Variants in ATRNL1 observed in about 807,000 individuals in gnomAD.
ATRNL1 encodes the protein attractin like 1.
Under a neutral mutation model 182.7 loss-of-function variants are expected in ATRNL1, and 95 were observed. That is an observed-to-expected ratio of 0.52 (90% CI 0.44 to 0.62). The LOEUF (loss-of-function observed/expected upper bound fraction) is 0.62, where lower values mean the gene tolerates loss of function less well. Ranked by LOEUF, ATRNL1 falls within the 20% of genes least tolerant of loss-of-function variation. The pLI is 0.00. For synonymous variants in ATRNL1, 576 were observed against 568.3 expected (o/e 1.01, Z -0.19); for missense variants, 1,471 against 1,679.5 (o/e 0.88, Z 2.17).
chr10:115,720,993 A>C (rs571845240), intron 26 of ATRNL1, among the ~76,000 whole-genome samples: 36 of 152,338 alleles, frequency 2.4e-4, no homozygotes, highest in African/African-American at 7.2e-4. Context: ...AGACAGCAGT[A>C]AGTTAATGAT....
intron 1 of ATRNL1, among the ~76,000 whole-genome samples, chr10:115,116,762 CTG>C (rs1844504439): frequency 6.6e-6 from 1 of 151,986 alleles, no homozygotes; most frequent in African/African-American, 2.4e-5. Flanking sequence ...TTCCAGTGGA[CTG>C]GTATTGGCAA....
chr10:115,233,041 G>T (rs1397756237), intron 9 of ATRNL1, among the ~76,000 whole-genome samples: 2 of 151,956 alleles, frequency 1.3e-5, no homozygotes, highest in African/African-American at 4.8e-5. Context: ...GGCAGCTCCA[G>T]ACATTCCTGG....
intron 18 of ATRNL1, among the ~76,000 whole-genome samples, chr10:115,328,459 A>G (rs1475324846): frequency 2.0e-5 from 3 of 152,238 alleles, no homozygotes; most frequent in African/African-American, 7.2e-5. Flanking sequence ...TCTTCTAGCT[A>G]TTTGAAATGC....
At chr10:115,924,676 G>T (rs1555119539) in intron 28 of ATRNL1, among the ~76,000 whole-genome samples, 2 of 152,166 alleles carry the variant, frequency 1.3e-5, no homozygotes, top group African/African-American at 4.8e-5. Flanking sequence ...TTGAAGTCAG[G>T]TAGTCTGATG....
At chr10:115,309,845 T>C (rs782360458) in intron 17 of ATRNL1, among the ~76,000 whole-genome samples, 4 of 152,140 alleles carry the variant, frequency 2.6e-5, no homozygotes, top group Non-Finnish European at 4.4e-5. Context: ...CCTTTATTTC[T>C]TTCTCTTGCC....
chr10:115,781,303 C>A (rs1028256928), intron 27 of ATRNL1, among the ~76,000 whole-genome samples: 11 of 152,162 alleles, frequency 7.2e-5, no homozygotes, highest in East Asian at 1.9e-4. Context: ...GTCCTATATT[C>A]TAAAGCTAAA....
At chr10:115,703,230 C>T (rs1286155070) in intron 26 of ATRNL1, among the ~76,000 whole-genome samples, 2 of 151,970 alleles carry the variant, frequency 1.3e-5, no homozygotes, top group Non-Finnish European at 2.9e-5. Context: ...AAACTGGACC[C>T]CTACCTTTCA....
intron 25 of ATRNL1, among the ~76,000 whole-genome samples, chr10:115,535,938 C>T (rs188555394): frequency 1.7e-4 from 26 of 151,776 alleles, no homozygotes; most frequent in African/African-American, 5.1e-4. Context: ...TCGTGAACCA[C>T]GAATGCTGCT....
At chr10:115,638,376 A>G (rs1859027917) in intron 26 of ATRNL1, among the ~76,000 whole-genome samples, 1 of 150,738 alleles carries the variant, frequency 6.6e-6, no homozygotes, top group African/African-American at 2.5e-5. Context: ...CTCAAAATGT[A>G]TCCCCGTCAT....
At chr10:115,596,682 G>A (rs782188394) in intron 26 of ATRNL1, among the ~76,000 whole-genome samples, 1 of 152,152 alleles carries the variant, frequency 6.6e-6, no homozygotes, top group Non-Finnish European at 1.5e-5. Context: ...TTGGAAACCC[G>A]TGACAGTGAG....
At position 115,204,149 on chromosome 10, in the gene ATRNL1, A is replaced by C. The variant is rs567613893; in HGVS notation, c.1349-11548A>C. Among the ~76,000 whole-genome samples, 11 of 152,088 alleles carry C rather than the reference A, an allele frequency of 7.2e-5. No individual in the cohort carries two copies. The South Asian group carries it at 2.3e-3, about 32-fold the overall frequency. On this transcript the variant is annotated intron_variant, in intron 8 of 28. Coordinates refer to ENST00000355044, the MANE Select transcript of ATRNL1 (RefSeq NM_207303.4). ...TACTGATTTTTGTACGTTTATTCAT[A>C]TCCTGCAAGTTTACGGAATTTTTAA...
intron 28 of ATRNL1, among the ~76,000 whole-genome samples, chr10:115,867,730 A>ATTTTTTTTTTTTTT (rs59623583): frequency 1.4e-5 from 2 of 138,078 alleles, no homozygotes; most frequent in Non-Finnish European, 1.6e-5. Flanking sequence ...CACCCTGTGA[A>ATTTTTTTTTTTTTT]TTTTTTTTTT....
intron 19 of ATRNL1, among the ~76,000 whole-genome samples, chr10:115,387,087 A>G (rs1858403819): frequency 7.2e-6 from 1 of 138,162 alleles, no homozygotes; most frequent in African/African-American, 2.5e-5. Flanking sequence ...CTATGAAGCC[A>G]TAAAAAATGA....
chr10:115,753,603 C>A (rs1462984678), intron 27 of ATRNL1, among the ~76,000 whole-genome samples: 1 of 152,098 alleles, frequency 6.6e-6, no homozygotes. Context: ...GGTTCCAGGT[C>A]TTTGCTATTG....
intron 26 of ATRNL1, among the ~76,000 whole-genome samples, chr10:115,673,129 G>A (rs2532725): frequency 0.14 from 21,967 of 152,024 alleles, 2,064 homozygotes; most frequent in South Asian, 0.22. Context: ...GTGTCACCAG[G>A]GCATTCTGAT....
At chr10:115,896,295 A>C (rs1952205954) in intron 28 of ATRNL1, among the ~76,000 whole-genome samples, 1 of 152,252 alleles carries the variant, frequency 6.6e-6, no homozygotes, top group Non-Finnish European at 1.5e-5. Flanking sequence ...AATAACCACA[A>C]AATGATTTAA....
chr10:115,279,447 G>A (rs782653130), intron 13 of ATRNL1, among the ~76,000 whole-genome samples: 10 of 151,874 alleles, frequency 6.6e-5, no homozygotes, highest in Admixed American at 1.3e-4. Flanking sequence ...CTATCATGTC[G>A]GACATAATTT....
At chr10:115,822,463 A>C (rs1441735876) in intron 27 of ATRNL1, among the ~76,000 whole-genome samples, 2 of 152,118 alleles carry the variant, frequency 1.3e-5, no homozygotes, top group Non-Finnish European at 2.9e-5. Context: ...GAGACGAAAA[A>C]CCCTTCAAAA....
At chr10:115,459,648 C>T (rs1005304418) in intron 21 of ATRNL1, among the ~76,000 whole-genome samples, 2 of 152,116 alleles carry the variant, frequency 1.3e-5, no homozygotes, top group Non-Finnish European at 2.9e-5. Context: ...ATTTTAATTT[C>T]GCCTTGGTCC....
Sources: gnomAD v4.1 joint callset for allele counts (sites outside exome capture counted in the v4.1 genomes callset) on GRCh38, gnomAD v4.1.1 for gene constraint, MANE v1.5 for transcripts, NCBI Gene and HGNC (gene_info 2026-07-23, HGNC 2026-07-21) for gene names.